Variants in CSMD1 observed in about 807,000 individuals in gnomAD.
The protein encoded by CSMD1 is CUB and Sushi multiple domains 1, also known as CUB and sushi domain-containing protein 1.
Under a neutral mutation model 417.5 loss-of-function variants are expected in CSMD1, and 213 were observed. The ratio of observed to expected loss-of-function variants is 0.51; its 90% confidence interval spans 0.46 to 0.57. The LOEUF is 0.57. CSMD1 is among the 20% of genes least tolerant of loss of function. The pLI, the probability that CSMD1 is intolerant of heterozygous loss-of-function variation, is 0.00. For missense variants in CSMD1, 6,923 were observed against 4,529.7 expected (o/e 1.53, Z -15.17); for synonymous variants, 2,862 against 1,736.8 (o/e 1.65, Z -16.11).
At chr8:3,360,067 G>A (rs1478357628) in intron 20 of CSMD1, among the ~76,000 whole-genome samples, 1 of 152,142 alleles carries the variant, frequency 6.6e-6, no homozygotes, top group Non-Finnish European at 1.5e-5. Context: ...AAGGCACAGG[G>A]CTATGTTTCT....
intron 1 of CSMD1, among the ~76,000 whole-genome samples, chr8:4,880,300 C>T (rs1179435650): frequency 6.6e-6 from 1 of 152,072 alleles, no homozygotes; most frequent in Non-Finnish European, 1.5e-5. Flanking sequence ...ATCTCACACA[C>T]CACCTTGATT....
chr8:2,973,232 A>C lies in CSMD1; in HGVS notation c.8808T>G (p.Phe2936Leu), dbSNP rs1245362607. Reference sequence around the variant, plus strand: ...AGAAGCGGAGAAGACTCTTTGTCTTAAAGTCATCACCAAGCCGAGACCCAT... The same window carrying C: ...AGAAGCGGAGAAGACTCTTTGTCTTCAAGTCATCACCAAGCCGAGACCCAT... ...PAHGSRLGDD[F>L]KTKSLLRFSC... Residue 2936 changes from phenylalanine to leucine, a missense_variant, in exon 57 of 70, where the codon TTT becomes TTG. Coordinates refer to ENST00000635120, the MANE Select transcript of CSMD1 (RefSeq NM_033225.6). 6.2e-7 allele frequency: 1 copy of C among 1,613,962 alleles called. No homozygotes were observed. Among genetic ancestry groups the C allele is most frequent in the East Asian group, 2.2e-5 (1 of 44,872 alleles).
intron 50 of CSMD1, among the ~76,000 whole-genome samples, chr8:3,046,326 G>C (rs555694176): frequency 6.6e-6 from 1 of 152,272 alleles, no homozygotes; most frequent in South Asian, 2.1e-4. Flanking sequence ...GTGAGAGCAA[G>C]AAAGGAGCTA....
chr8:4,676,365 C>G (rs1805680800), intron 1 of CSMD1, among the ~76,000 whole-genome samples: 1 of 152,134 alleles, frequency 6.6e-6, no homozygotes. Context: ...CACCACTGCC[C>G]TAATATTAGC....
intron 11 of CSMD1, among the ~76,000 whole-genome samples, chr8:3,471,238 A>C (rs1016086613): frequency 6.6e-5 from 10 of 152,174 alleles, no homozygotes; most frequent in African/African-American, 2.4e-4. Context: ...AATGATGTAC[A>C]ACATTGTCTC....
chr8:4,111,616 G>C (rs574850569), intron 3 of CSMD1, among the ~76,000 whole-genome samples: 1 of 152,116 alleles, frequency 6.6e-6, no homozygotes, highest in African/African-American at 2.4e-5. Flanking sequence ...TATGTCCTTT[G>C]TAGGGACGTG....
chr8:3,413,461 G>C (rs1175917711), intron 12 of CSMD1, among the ~76,000 whole-genome samples: 3 of 152,158 alleles, frequency 2.0e-5, no homozygotes, highest in African/African-American at 7.2e-5. Flanking sequence ...ACCTGTGTTG[G>C]ACAAGTCCCT....
At chr8:3,250,678 G>A (rs977152653) in intron 26 of CSMD1, among the ~76,000 whole-genome samples, 4 of 152,210 alleles carry the variant, frequency 2.6e-5, no homozygotes, top group Non-Finnish European at 5.9e-5. Flanking sequence ...CCCACCAACA[G>A]TGTAAAAGTG....
intron 7 of CSMD1, among the ~76,000 whole-genome samples, chr8:3,668,042 C>G (rs913998394): frequency 3.3e-5 from 5 of 152,278 alleles, no homozygotes; most frequent in Admixed American, 6.5e-5. Flanking sequence ...CAGTCCCCAT[C>G]CCAAGGATGA....
Position 3,776,193 on chromosome 8 carries a change from C to T in CSMD1, c.819-22151G>A, listed in dbSNP as rs776272232. ...CCTTCAGAACAGATCCATGTCTGAC[C>T]ATCTCAGCACCGGAGGGTGCCCTGT... is the stretch of plus-strand genomic sequence containing the variant. On this transcript the variant is annotated intron_variant, in intron 5 of 69. Transcript: ENST00000635120. 4.6e-5 allele frequency among the ~76,000 whole-genome samples: 7 copies of T among 152,170 alleles called. No individual in the cohort carries two copies. In the South Asian group the frequency reaches 8.3e-4, roughly 18 times the overall value.
At position 4,905,788 on chromosome 8, in the gene CSMD1, C is replaced by A. The variant is rs1422688798; in HGVS notation, c.85+88544G>T. ...TGAGCCGAGATTGTGCCACTGCACT[C>A]CAGCCTGGGCCACAGAGCGAGACTC... On this transcript the variant is annotated intron_variant, in intron 1 of 69. Coordinates refer to ENST00000635120, the MANE Select transcript of CSMD1 (RefSeq NM_033225.6). 4.1e-5 allele frequency among the ~76,000 whole-genome samples: 6 copies of A among 145,674 alleles called. No homozygotes were observed. The East Asian group carries it at 1.0e-3, about 25-fold the overall frequency.
intron 3 of CSMD1, among the ~76,000 whole-genome samples, chr8:4,411,923 G>C (rs1222546248): frequency 1.3e-5 from 2 of 151,642 alleles, no homozygotes; most frequent in East Asian, 1.9e-4. Flanking sequence ...AGGACTAAAA[G>C]GAATTATTTT....
intron 15 of CSMD1, among the ~76,000 whole-genome samples, chr8:3,404,252 T>C (rs767077930): frequency 6.6e-6 from 1 of 151,592 alleles, no homozygotes; most frequent in Non-Finnish European, 1.5e-5. Flanking sequence ...GAAGAACTGC[T>C]TGAATCTGGG....
intron 1 of CSMD1, among the ~76,000 whole-genome samples, chr8:4,907,855 C>T (rs1194816126): frequency 6.6e-6 from 1 of 151,998 alleles, no homozygotes; most frequent in African/African-American, 2.4e-5. Context: ...CAATAGCCAT[C>T]TCACTTTGGC....
At chr8:3,388,710 G>A (rs5026897) in intron 17 of CSMD1, among the ~76,000 whole-genome samples, 65,900 of 152,036 alleles carry the variant, frequency 0.43, 14,563 homozygotes, top group Middle Eastern at 0.48. Context: ...ACTAACACAT[G>A]TCTATTGCCC....
chr8:4,413,455 T>C (rs1469475492), intron 3 of CSMD1, among the ~76,000 whole-genome samples: 1 of 152,212 alleles, frequency 6.6e-6, no homozygotes, highest in Admixed American at 6.5e-5. Context: ...TTCTAATGAC[T>C]TGATTGTCTT....
chr8:4,139,507 C>T (rs953777197), intron 3 of CSMD1, among the ~76,000 whole-genome samples: 2 of 151,252 alleles, frequency 1.3e-5, no homozygotes, highest in African/African-American at 4.9e-5. Context: ...GGTCTGCATT[C>T]AGTGTTGTGG....
chr8:3,186,857 C>T lies in CSMD1; in HGVS notation c.5620+1012G>A, dbSNP rs575194616. ...TAATCTTTGTTCTTCATTGGTAAAA[C>T]AGAGATAGCAATAATCCCTTAGAAC... On this transcript the variant is annotated intron_variant, in intron 36 of 69. Transcript: ENST00000635120. Among the ~76,000 whole-genome samples, 3 of 152,306 alleles carry T rather than the reference C, an allele frequency of 2.0e-5. No individual in the cohort carries two copies. The East Asian group carries it at 5.8e-4, about 29-fold the overall frequency.
At chr8:4,375,129 A>T (rs962712199) in intron 3 of CSMD1, among the ~76,000 whole-genome samples, 1 of 152,134 alleles carries the variant, frequency 6.6e-6, no homozygotes, top group Admixed American at 6.5e-5. Flanking sequence ...CAAAAATGGC[A>T]ACTGTAGATA....
Sources: allele counts gnomAD v4.1 joint callset (sites outside exome capture counted in the v4.1 genomes callset), GRCh38; gene constraint gnomAD v4.1.1; transcripts MANE v1.5; gene names NCBI Gene and HGNC (gene_info 2026-07-23, HGNC 2026-07-21).